The following NDRG1 variants were observed in gnomAD, a reference collection of about 807,000 sequenced individuals.
NDRG1 encodes the protein N-myc downstream regulated 1.
A neutral mutation model predicts 56.9 loss-of-function variants in NDRG1; 32 were observed. The observed-to-expected ratio is 0.56, with a 90% CI of 0.42 to 0.76. The LOEUF (loss-of-function observed/expected upper bound fraction) is 0.76, where lower values mean the gene tolerates loss of function less well. NDRG1 is among the 30% of genes least tolerant of loss of function. The pLI, the probability that NDRG1 is intolerant of heterozygous loss-of-function variation, is 0.00. For synonymous variants in NDRG1, 211 were observed against 204.1 expected (o/e 1.03, Z -0.29); for missense variants, 507 against 545.7 (o/e 0.93, Z 0.71).
At chr8:133,273,296 G>A (rs945092118) in intron 3 of NDRG1, among the ~76,000 whole-genome samples, 5 of 152,204 alleles carry the variant, frequency 3.3e-5, no homozygotes, top group Non-Finnish European at 7.3e-5. Context: ...AAGTCACTCG[G>A]CCCACGAGGT....
chr8:133,259,019 G>A, intron 6 of NDRG1, 149 bp downstream of exon 6: 1 of 809,048 alleles, frequency 1.2e-6, no homozygotes, highest in East Asian at 2.4e-5. Context: ...GAAGAACAGT[G>A]TTCACAGAGT....
At chr8:133,290,079 G>A (rs569439904) in intron 1 of NDRG1, among the ~76,000 whole-genome samples, 1 of 152,108 alleles carries the variant, frequency 6.6e-6, no homozygotes, top group Non-Finnish European at 1.5e-5. Context: ...CCGCACCTTG[G>A]ACCAAGGCCC....
At chr8:133,254,090 A>G (rs956300811) in intron 9 of NDRG1, among the ~76,000 whole-genome samples, 4 of 152,158 alleles carry the variant, frequency 2.6e-5, no homozygotes, top group African/African-American at 9.7e-5. Flanking sequence ...AAAAAAAAAA[A>G]AAGAGTACCT....
chr8:133,239,586 C>T (rs1855266316), intron 15 of NDRG1: 1 of 196,420 alleles, frequency 5.1e-6, no homozygotes, highest in Non-Finnish European at 1.1e-5. Flanking sequence ...AGAGGGGCCA[C>T]ACGGCAAGTT....
intron 15 of NDRG1, chr8:133,240,386 C>T (rs970091882): frequency 6.6e-6 from 1 of 152,220 alleles, no homozygotes; most frequent in Non-Finnish European, 1.5e-5. Context: ...CACTCCCAAA[C>T]AGAATTAATC....
At chr8:133,270,880 T>A (rs1857154470) in intron 3 of NDRG1, among the ~76,000 whole-genome samples, 1 of 152,208 alleles carries the variant, frequency 6.6e-6, no homozygotes, top group Non-Finnish European at 1.5e-5. Flanking sequence ...CCATCAGTTG[T>A]AAGCTGAGGT....
At chr8:133,246,916 A>G (rs1039240822) in intron 12 of NDRG1, among the ~76,000 whole-genome samples, 2 of 152,224 alleles carry the variant, frequency 1.3e-5, no homozygotes, top group Non-Finnish European at 2.9e-5. Context: ...AATGGAGCTA[A>G]TATCTTTTTT....
At chr8:133,241,921 CA>C in intron 15 of NDRG1, 101 bp downstream of exon 15, 1 of 1,373,014 alleles carries the variant, frequency 7.3e-7, no homozygotes, top group Non-Finnish European at 1.0e-6. Flanking sequence ...TGAAGCTGGC[CA>C]GGGGGACACA....
chr8:133,262,701 C>T (rs1856719533), intron 4 of NDRG1, among the ~76,000 whole-genome samples: 1 of 152,220 alleles, frequency 6.6e-6, no homozygotes, highest in South Asian at 2.1e-4. Flanking sequence ...CCCTTTTCCT[C>T]CTGGGCACTC....
intron 3 of NDRG1, among the ~76,000 whole-genome samples, chr8:133,266,243 T>G (rs539908516): frequency 2.6e-5 from 4 of 152,232 alleles, no homozygotes; most frequent in African/African-American, 7.2e-5. Context: ...CGGCGCACAC[T>G]CAGGCCTCAC....
At chr8:133,293,783 G>A (rs896055047) in intron 1 of NDRG1, among the ~76,000 whole-genome samples, 1 of 152,196 alleles carries the variant, frequency 6.6e-6, no homozygotes, top group African/African-American at 2.4e-5. Flanking sequence ...CTGATGGAGA[G>A]AGAATCGCAG....
At chr8:133,267,048 C>A (rs181084902) in intron 3 of NDRG1, among the ~76,000 whole-genome samples, 1 of 152,176 alleles carries the variant, frequency 6.6e-6, no homozygotes, top group Non-Finnish European at 1.5e-5. Flanking sequence ...CCCTCCCCAG[C>A]GGAGGAGTGC....
chr8:133,263,866 C>T (rs1004799963), intron 4 of NDRG1, among the ~76,000 whole-genome samples: 25 of 146,088 alleles, frequency 1.7e-4, no homozygotes, highest in African/African-American at 4.6e-4. Context: ...CAGTGAGCCA[C>T]GATCGCACCA....
intron 15 of NDRG1, chr8:133,240,997 C>G (rs1321766596): frequency 1.3e-5 from 2 of 152,166 alleles, no homozygotes; most frequent in Non-Finnish European, 2.9e-5. Flanking sequence ...CCTGCCTGAG[C>G]CTGAGGCATG....
chr8:133,254,738 G>A, intron 8 of NDRG1, 143 bp from the exon 9 acceptor site: 1 of 791,414 alleles, frequency 1.3e-6, no homozygotes, highest in Non-Finnish European at 2.2e-6. Flanking sequence ...CCCCTTGATA[G>A]AAACTCAGTT....
chr8:133,262,593 C>G (rs1207958940), intron 4 of NDRG1, among the ~76,000 whole-genome samples: 1 of 152,154 alleles, frequency 6.6e-6, no homozygotes, highest in Non-Finnish European at 1.5e-5. Flanking sequence ...CGAGGAGGAG[C>G]ATGGGAGGTG....
chr8:133,268,886 C>CACAA (rs1214304618), intron 3 of NDRG1, among the ~76,000 whole-genome samples: 20 of 149,610 alleles, frequency 1.3e-4, no homozygotes, highest in African/African-American at 4.8e-4. Context: ...CACACACACA[C>CACAA]ACAACAAACA....
intron 3 of NDRG1, among the ~76,000 whole-genome samples, chr8:133,270,830 T>TTG (rs1201785937): frequency 6.6e-6 from 1 of 152,230 alleles, no homozygotes; most frequent in Non-Finnish European, 1.5e-5. Context: ...AACCACCACG[T>TTG]GCCCTTGGCC....
At chr8:133,285,669 C>T (rs757776293) in intron 1 of NDRG1, among the ~76,000 whole-genome samples, 1 of 152,242 alleles carries the variant, frequency 6.6e-6, no homozygotes, top group Admixed American at 6.5e-5. Context: ...AGATCCTGCT[C>T]TCCACTGGGG....
Sources: gnomAD v4.1 joint callset for allele counts (sites outside exome capture counted in the v4.1 genomes callset) on GRCh38, gnomAD v4.1.1 for gene constraint, MANE v1.5 for transcripts, NCBI Gene and HGNC (gene_info 2026-07-23, HGNC 2026-07-21) for gene names.